MPP7: variants seen among roughly 807,000 people sequenced by gnomAD.
MPP7 encodes MAGUK p55 scaffold protein 7.
Under a neutral mutation model 76.5 loss-of-function variants are expected in MPP7, and 60 were observed. The observed-to-expected ratio is 0.78, with a 90% CI of 0.64 to 0.97. The LOEUF (loss-of-function observed/expected upper bound fraction) is 0.97. Ranked by LOEUF, MPP7 falls within the 50% of genes least tolerant of loss-of-function variation. The pLI, the probability that MPP7 is intolerant of heterozygous loss-of-function variation, is 0.00. For missense variants in MPP7, 641 were observed against 694.0 expected (o/e 0.92, Z 0.86); for synonymous variants, 237 against 244.5 (o/e 0.97, Z 0.29).
chr10:28,062,531 A>AACACACACAC (rs56923979), intron 13 of MPP7, among the ~76,000 whole-genome samples: 230 of 132,368 alleles, frequency 1.7e-3, no homozygotes, highest in Middle Eastern at 4.2e-3. Flanking sequence ...CATAATAGTA[A>AACACACACAC]ACACACACAC....
intron 16 of MPP7, among the ~76,000 whole-genome samples, chr10:28,055,524 A>C (rs1851521022): frequency 6.6e-6 from 1 of 152,244 alleles, no homozygotes; most frequent in African/African-American, 2.4e-5. Flanking sequence ...AAGATTAAGA[A>C]GAAAAACAAT....
intron 1 of MPP7, among the ~76,000 whole-genome samples, chr10:28,249,526 G>A (rs935000776): frequency 6.6e-6 from 1 of 152,162 alleles, no homozygotes; most frequent in Non-Finnish European, 1.5e-5. Flanking sequence ...GAGGCAGAGG[G>A]TGTAGTGAGC....
chr10:28,264,493 T>C (rs1840083093), intron 1 of MPP7, among the ~76,000 whole-genome samples: 1 of 151,520 alleles, frequency 6.6e-6, no homozygotes, highest in Non-Finnish European at 1.5e-5. Context: ...CACTTTAAAT[T>C]AGACCGTCCT....
intron 12 of MPP7, among the ~76,000 whole-genome samples, chr10:28,074,803 C>T (rs141165285): frequency 8.9e-4 from 136 of 152,320 alleles, no homozygotes; most frequent in Middle Eastern, 3.4e-3. Flanking sequence ...GCCCTTAATT[C>T]AACAGCCCTT....
chr10:28,222,290 G>A (rs1471115421), intron 2 of MPP7, among the ~76,000 whole-genome samples: 1 of 151,828 alleles, frequency 6.6e-6, no homozygotes, highest in Non-Finnish European at 1.5e-5. Context: ...CTTGAGCTCA[G>A]GAGTTTGAGA....
At chr10:28,309,238 A>T (rs1421973178) in intron 2 of MPP7, among the ~76,000 whole-genome samples, 2 of 151,994 alleles carry the variant, frequency 1.3e-5, no homozygotes, top group South Asian at 2.1e-4. Context: ...ACATCGTGAA[A>T]CCCCATCTCT....
At chr10:28,109,863 A>AC (rs1834444684) in intron 11 of MPP7, among the ~76,000 whole-genome samples, 1 of 149,480 alleles carries the variant, frequency 6.7e-6, no homozygotes. Context: ...AAAAAAAAAA[A>AC]AAAAAAAAAA....
chr10:28,206,684 A>G (rs1224385651), intron 2 of MPP7, among the ~76,000 whole-genome samples: 2 of 152,190 alleles, frequency 1.3e-5, no homozygotes, highest in African/African-American at 4.8e-5. Context: ...TCATTTCTAG[A>G]TAAGCTATAA....
Position 28,193,134 on chromosome 10 carries a change from T to C in MPP7, c.156+9019A>G, listed in dbSNP as rs199511896. Among the ~76,000 whole-genome samples the C allele has an allele frequency of 7.9e-5, 12 of 152,128 alleles. No individual in the cohort carries two copies. The East Asian group carries it at 2.3e-3, about 29-fold the overall frequency. On this transcript the variant is annotated intron_variant, in intron 3 of 16. Transcript: ENST00000683449. ...TGTAAACGCAAAACTGTAAAACTTC[T>C]AGGAGATAACACAAGAATATCTAAG... is the stretch of plus-strand genomic sequence containing the variant.
chr10:28,298,450 T>C lies in MPP7; in HGVS notation c.-132+4411A>G, dbSNP rs548324700. 4.2e-4 allele frequency among the ~76,000 whole-genome samples: 64 copies of C among 152,348 alleles called. 1 individual carries two copies. The South Asian group carries it at 6.2e-3, about 15-fold the overall frequency. On this transcript the variant is annotated intron_variant, in intron 1 of 16. Transcript: ENST00000683449. ...TTGTCAATGAGCAGCACTTGTTCAA[T>C]GGTACCCTTTCTTCTGAGCAGTGGG...
At chr10:28,091,478 G>C (rs1040805915) in intron 11 of MPP7, among the ~76,000 whole-genome samples, 4 of 152,008 alleles carry the variant, frequency 2.6e-5, no homozygotes, top group African/African-American at 9.7e-5. Flanking sequence ...AGTAGAGACG[G>C]GGTTTCACCA....
chr10:28,061,035 G>T (rs2133331857), intron 13 of MPP7, among the ~76,000 whole-genome samples: 1 of 152,122 alleles, frequency 6.6e-6, no homozygotes, highest in East Asian at 1.9e-4. Context: ...AAAAGAAGCT[G>T]GCAGCTAAAA....
At chr10:28,165,307 T>C (rs1308302114) in intron 3 of MPP7, among the ~76,000 whole-genome samples, 2 of 152,106 alleles carry the variant, frequency 1.3e-5, no homozygotes, top group Non-Finnish European at 2.9e-5. Flanking sequence ...AGAGGATCAG[T>C]TGAGGCCAGT....
chr10:28,196,227 T>C (rs955192479), intron 3 of MPP7, among the ~76,000 whole-genome samples: 1 of 152,166 alleles, frequency 6.6e-6, no homozygotes, highest in African/African-American at 2.4e-5. Context: ...ATGCCTGTAA[T>C]CCCAGCACTT....
chr10:28,074,561 C>T (rs773456860), intron 12 of MPP7, among the ~76,000 whole-genome samples: 6 of 152,030 alleles, frequency 3.9e-5, no homozygotes, highest in African/African-American at 1.2e-4. Context: ...CTTCCCAAAG[C>T]GCTGGGATTA....
At chr10:28,131,884 C>T (rs1185067481) in intron 5 of MPP7, among the ~76,000 whole-genome samples, 193 bp from the exon 6 acceptor site, 1 of 152,110 alleles carries the variant, frequency 6.6e-6, no homozygotes, top group East Asian at 1.9e-4. Context: ...CAGTGCTTGT[C>T]CAGAGAGCAG....
chr10:28,278,484 C>T (rs1280933893), intron 1 of MPP7, among the ~76,000 whole-genome samples: 1 of 151,478 alleles, frequency 6.6e-6, no homozygotes, highest in African/African-American at 2.4e-5. Context: ...TTTACATGAG[C>T]AACCAGGTAC....
intron 3 of MPP7, among the ~76,000 whole-genome samples, chr10:28,194,697 T>C (rs924902112): frequency 1.3e-5 from 2 of 152,174 alleles, no homozygotes; most frequent in African/African-American, 4.8e-5. Context: ...ACAGTAAAAC[T>C]ATCAGTGATT....
chr10:28,072,289 TAAAGA>T (rs1274348850), intron 12 of MPP7, among the ~76,000 whole-genome samples: 1 of 151,870 alleles, frequency 6.6e-6, no homozygotes, highest in Non-Finnish European at 1.5e-5. Flanking sequence ...TAAAATAAAA[TAAAGA>T]ATAGTATGTG....
Sources: allele counts gnomAD v4.1 joint callset (sites outside exome capture counted in the v4.1 genomes callset), GRCh38; gene constraint gnomAD v4.1.1; transcripts MANE v1.5; gene names NCBI Gene and HGNC (gene_info 2026-07-23, HGNC 2026-07-21).